The following BACH2 variants were observed in gnomAD, a reference collection of about 807,000 sequenced individuals.
BACH2 encodes the protein BACH transcriptional regulator 2.
A neutral mutation model predicts 61.8 loss-of-function variants in BACH2; 5 were observed. The ratio of observed to expected loss-of-function variants is 0.08; its 90% CI spans 0.04 to 0.17. The LOEUF (loss-of-function observed/expected upper bound fraction) is 0.17. Ranked by LOEUF, BACH2 falls within the 10% of genes least tolerant of loss-of-function variation. The pLI is 1.00. For synonymous variants in BACH2, 446 were observed against 440.1 expected (o/e 1.01, Z -0.17); for missense variants, 824 against 1,091.1 (o/e 0.76, Z 3.45).
At chr6:89,986,299 C>T (rs890633815) in intron 6 of BACH2, among the ~76,000 whole-genome samples, 1 of 151,222 alleles carries the variant, frequency 6.6e-6, no homozygotes, top group Non-Finnish European at 1.5e-5. Flanking sequence ...CTCCTAGGGA[C>T]GCTGGCCCTG....
chr6:90,003,860 T>C (rs1327548293), intron 6 of BACH2, among the ~76,000 whole-genome samples: 1 of 152,210 alleles, frequency 6.6e-6, no homozygotes, highest in Non-Finnish European at 1.5e-5. Context: ...TAAGTGAGTG[T>C]TTTGCCCTTC....
At chr6:90,117,089 C>T (rs1406195197) in intron 4 of BACH2, 5 of 283,018 alleles carry the variant, frequency 1.8e-5, no homozygotes, top group East Asian at 8.0e-5. Context: ...GGGTGTTTCT[C>T]GTCTCTCTGG....
At chr6:89,987,509 T>C (rs187762998) in intron 6 of BACH2, among the ~76,000 whole-genome samples, 38 of 152,180 alleles carry the variant, frequency 2.5e-4, no homozygotes, top group African/African-American at 8.4e-4. Flanking sequence ...CCTATAAGAG[T>C]TGCCTTCAGA....
intron 5 of BACH2, among the ~76,000 whole-genome samples, chr6:90,065,882 T>C (rs1397121364): frequency 6.6e-6 from 1 of 152,156 alleles, no homozygotes; most frequent in African/African-American, 2.4e-5. Flanking sequence ...TGTGACTAAA[T>C]GTCAAAATGA....
At chr6:89,977,932 C>T (rs564874770) in intron 6 of BACH2, among the ~76,000 whole-genome samples, 6 of 152,218 alleles carry the variant, frequency 3.9e-5, no homozygotes, top group Non-Finnish European at 8.8e-5. Flanking sequence ...GATCTATTTT[C>T]AGCTTGCATC....
At chr6:90,185,151 G>C (rs1768311178) in intron 4 of BACH2, among the ~76,000 whole-genome samples, 1 of 152,202 alleles carries the variant, frequency 6.6e-6, no homozygotes, top group Non-Finnish European at 1.5e-5. Context: ...GGGGGAGACA[G>C]ACACGGAACA....
At chr6:90,166,900 C>T (rs1043491221) in intron 4 of BACH2, among the ~76,000 whole-genome samples, 3 of 114,264 alleles carry the variant, frequency 2.6e-5, no homozygotes, top group Admixed American at 9.7e-5. Context: ...ACACCAGGGC[C>T]TGTCGTGGGG....
intron 6 of BACH2, among the ~76,000 whole-genome samples, chr6:89,992,748 T>A (rs551430583): frequency 6.6e-6 from 1 of 152,364 alleles, no homozygotes; most frequent in African/African-American, 2.4e-5. Flanking sequence ...CAGTACATGA[T>A]TGATTGTGTG....
At chr6:90,125,191 C>A (rs548064185) in intron 4 of BACH2, among the ~76,000 whole-genome samples, 46 of 152,004 alleles carry the variant, frequency 3.0e-4, no homozygotes, top group African/African-American at 1.0e-3. Context: ...GAAAATGTGC[C>A]ATAAAAAAAG....
intron 3 of BACH2, among the ~76,000 whole-genome samples, chr6:90,206,921 T>TA (rs1189178824): frequency 1.3e-5 from 2 of 152,146 alleles, no homozygotes; most frequent in African/African-American, 4.8e-5. Context: ...CAGTGTACCA[T>TA]AAGGGAATTC....
chr6:89,960,484 A>G (rs1267044970), intron 6 of BACH2, among the ~76,000 whole-genome samples: 5 of 152,216 alleles, frequency 3.3e-5, no homozygotes, highest in African/African-American at 9.7e-5. Context: ...TCTCTCTAAA[A>G]TATTGTTTTA....
chr6:89,972,742 C>G (rs1369578922), intron 6 of BACH2, among the ~76,000 whole-genome samples: 2 of 151,996 alleles, frequency 1.3e-5, no homozygotes, highest in Admixed American at 6.6e-5. Flanking sequence ...GTAAGTCATT[C>G]TGATCTGGCA....
At chr6:89,980,837 T>C (rs1404244225) in intron 6 of BACH2, among the ~76,000 whole-genome samples, 1 of 152,202 alleles carries the variant, frequency 6.6e-6, no homozygotes, top group African/African-American at 2.4e-5. Flanking sequence ...TATTTACCAT[T>C]TTAACCTTTT....
chr6:90,262,118 G>A (rs1488173857), intron 2 of BACH2, among the ~76,000 whole-genome samples: 5 of 152,192 alleles, frequency 3.3e-5, no homozygotes, highest in Non-Finnish European at 4.4e-5. Flanking sequence ...GGCATGGTAC[G>A]TAAGGTCCTT....
chr6:90,063,232 A>G (rs1439033395), intron 5 of BACH2, among the ~76,000 whole-genome samples: 3 of 152,190 alleles, frequency 2.0e-5, no homozygotes, highest in African/African-American at 7.2e-5. Flanking sequence ...AAAGCCTTCT[A>G]CTATTTTGAG....
intron 4 of BACH2, among the ~76,000 whole-genome samples, chr6:90,196,636 C>A (rs986322016): frequency 6.6e-6 from 1 of 152,148 alleles, no homozygotes. Flanking sequence ...TTTCACCCAA[C>A]ACTTTTTTTT....
At chr6:90,123,905 G>A (rs988106294) in intron 4 of BACH2, among the ~76,000 whole-genome samples, 6 of 151,884 alleles carry the variant, frequency 4.0e-5, no homozygotes, top group African/African-American at 1.5e-4. Context: ...AGGGGAGCAG[G>A]AGGGAGGGTG....
At chr6:90,060,646 T>C (rs1392220635) in intron 5 of BACH2, among the ~76,000 whole-genome samples, 3 of 152,276 alleles carry the variant, frequency 2.0e-5, no homozygotes, top group South Asian at 2.1e-4. Flanking sequence ...AATTAATATA[T>C]TAACGCTAGT....
At chr6:89,933,020 G>T in intron 8 of BACH2, 130 bp from the exon 9 acceptor site, 1 of 1,077,806 alleles carries the variant, frequency 9.3e-7, no homozygotes, top group Non-Finnish European at 1.3e-6. Flanking sequence ...ACTAGGTCAG[G>T]CTCTAGAAAC....
Sources: allele counts gnomAD v4.1 joint callset (sites outside exome capture counted in the v4.1 genomes callset), GRCh38; gene constraint gnomAD v4.1.1; transcripts MANE v1.5; gene names NCBI Gene and HGNC (gene_info 2026-07-23, HGNC 2026-07-21).